OSBPL8: variants seen among roughly 807,000 people sequenced by gnomAD.
OSBPL8 encodes oxysterol binding protein like 8, also known as oxysterol-binding protein-related protein 8.
A neutral mutation model predicts 125.5 loss-of-function variants in OSBPL8; 59 were observed. The observed-to-expected ratio is 0.47, with a 90% CI of 0.38 to 0.58. The LOEUF (loss-of-function observed/expected upper bound fraction) is 0.58, where lower values mean the gene tolerates loss of function less well. Ranked by LOEUF, OSBPL8 falls within the 20% of genes least tolerant of loss-of-function variation. OSBPL8 has a pLI of 0.00. For missense variants in OSBPL8, 758 were observed against 1,047.8 expected, an observed-to-expected ratio of 0.72 and a Z score of 3.82; for synonymous variants, 330 against 338.9, an observed-to-expected ratio of 0.97 and a Z score of 0.29.
chr12:76,504,912 C>T (rs1880262617), intron 1 of OSBPL8, among the ~76,000 whole-genome samples: 1 of 152,100 alleles, frequency 6.6e-6, no homozygotes, highest in African/African-American at 2.4e-5. Flanking sequence ...GACTGGATGG[C>T]CTCACCTGGA....
At chr12:76,480,626 T>A (rs1877368785) in intron 2 of OSBPL8, among the ~76,000 whole-genome samples, 1 of 152,246 alleles carries the variant, frequency 6.6e-6, no homozygotes, top group African/African-American at 2.4e-5. Context: ...ACAGTTATTT[T>A]AACTTTACAT....
chr12:76,430,731 T>G (rs1030746430), intron 4 of OSBPL8, among the ~76,000 whole-genome samples: 19 of 152,140 alleles, frequency 1.2e-4, no homozygotes, highest in Admixed American at 6.5e-5. Flanking sequence ...ATATATTCAA[T>G]GTACTGAAAG....
chr12:76,431,848 A>G (rs1870869118), intron 4 of OSBPL8, among the ~76,000 whole-genome samples: 1 of 152,146 alleles, frequency 6.6e-6, no homozygotes, highest in South Asian at 2.1e-4. Context: ...ACCAAACAGA[A>G]AATGAAAAGA....
chr12:76,386,685 A>C, intron 12 of OSBPL8, 25 bp from the exon 13 acceptor site: 1 of 1,523,046 alleles, frequency 6.6e-7, no homozygotes, highest in Non-Finnish European at 9.0e-7. Flanking sequence ...GGTAAACAAA[A>C]ATTTTAAAAA....
chr12:76,530,993 C>A (rs1950324125), intron 1 of OSBPL8, among the ~76,000 whole-genome samples: 1 of 151,968 alleles, frequency 6.6e-6, no homozygotes, highest in African/African-American at 2.4e-5. Context: ...GTTATAGTAC[C>A]ATTGTGTTAG....
chr12:76,364,439 G>A (rs1175937319), intron 21 of OSBPL8, among the ~76,000 whole-genome samples: 1 of 152,126 alleles, frequency 6.6e-6, no homozygotes, highest in Non-Finnish European at 1.5e-5. Context: ...TCATAAGTGG[G>A]AGCTGAACAA....
At chr12:76,496,176 T>C (rs1879249712) in intron 1 of OSBPL8, among the ~76,000 whole-genome samples, 1 of 151,862 alleles carries the variant, frequency 6.6e-6, no homozygotes, top group South Asian at 2.1e-4. Flanking sequence ...AGTATTTTTT[T>C]TTTTGAATCT....
intron 4 of OSBPL8, among the ~76,000 whole-genome samples, chr12:76,419,798 G>C (rs1185182631): frequency 6.6e-6 from 1 of 152,102 alleles, no homozygotes; most frequent in African/African-American, 2.4e-5. Flanking sequence ...TTTTGGTTTT[G>C]GAAGTAGTCA....
chr12:76,403,827 T>G (rs908767069), intron 5 of OSBPL8, among the ~76,000 whole-genome samples: 4 of 152,100 alleles, frequency 2.6e-5, no homozygotes, highest in Non-Finnish European at 5.9e-5. Context: ...CCCTCAATTT[T>G]TAGATTAATA....
intron 3 of OSBPL8, among the ~76,000 whole-genome samples, chr12:76,457,476 C>T (rs1456407496): frequency 6.6e-6 from 1 of 152,008 alleles, no homozygotes; most frequent in Non-Finnish European, 1.5e-5. Context: ...TTCTAAGGTA[C>T]AGTTCATCTG....
At chr12:76,363,594 C>A (rs1180252269) in intron 21 of OSBPL8, among the ~76,000 whole-genome samples, 1 of 152,162 alleles carries the variant, frequency 6.6e-6, no homozygotes, top group Non-Finnish European at 1.5e-5. Flanking sequence ...AGGACACAGG[C>A]ATGGGCAAAG....
intron 2 of OSBPL8, among the ~76,000 whole-genome samples, chr12:76,479,357 A>T (rs931186854): frequency 6.6e-6 from 1 of 152,210 alleles, no homozygotes; most frequent in Non-Finnish European, 1.5e-5. Flanking sequence ...AAATTTTTTT[A>T]AAAATTAAAA....
At chr12:76,535,129 C>T (rs1291492809) in intron 1 of OSBPL8, among the ~76,000 whole-genome samples, 2 of 151,738 alleles carry the variant, frequency 1.3e-5, no homozygotes, top group Non-Finnish European at 2.9e-5. Context: ...AACAGATATG[C>T]TAAATTTCAA....
chr12:76,434,930 T>C (rs973226253), intron 4 of OSBPL8, among the ~76,000 whole-genome samples: 2 of 152,170 alleles, frequency 1.3e-5, no homozygotes, highest in Admixed American at 6.5e-5. Context: ...ACATCTATTA[T>C]GGAAAGCAGT....
chr12:76,555,652 A>G (rs1951072198), intron 1 of OSBPL8, among the ~76,000 whole-genome samples: 1 of 152,208 alleles, frequency 6.6e-6, no homozygotes. Flanking sequence ...CCCAACGATC[A>G]TGGATTATTA....
At position 76,552,428 on chromosome 12, in the gene OSBPL8, CAAAAAAAA is replaced by C. The variant is rs55942644; in HGVS notation, c.-68+6961_-68+6968del. 5.1e-4 allele frequency among the ~76,000 whole-genome samples: 28 copies of C among 54,900 alleles called. 2 individuals carry two copies. In the South Asian group the frequency reaches 0.024, roughly 46 times the overall value. The allele number at this position is 54,900 out of a possible 152,430, so 36.0% of individuals were successfully genotyped here. A position where few individuals can be genotyped will look rare whatever the true frequency, so the allele number is the denominator to read the frequency against. ...GCAACAGAGCGATACCCCATGTCTC[CAAAAAAAA>C]AAAAAAAAAAAAAAAAAAAATGTTG... On this transcript the variant is annotated intron_variant, in intron 1 of 23. Transcript: ENST00000261183.
At chr12:76,422,751 C>G (rs2136507526) in intron 4 of OSBPL8, 4 of 364,996 alleles carry the variant, frequency 1.1e-5, no homozygotes, top group South Asian at 8.5e-5. Flanking sequence ...GTAGCAAAAC[C>G]CACCAGCACA....
intron 5 of OSBPL8, among the ~76,000 whole-genome samples, chr12:76,407,538 G>C (rs1173027187): frequency 2.0e-5 from 3 of 152,114 alleles, no homozygotes; most frequent in Non-Finnish European, 2.9e-5. Flanking sequence ...ATGAAACATT[G>C]CACCCAGCAG....
intron 2 of OSBPL8, among the ~76,000 whole-genome samples, chr12:76,466,239 A>C (rs573974797): frequency 2.4e-4 from 37 of 152,206 alleles, no homozygotes; most frequent in African/African-American, 8.2e-4. Context: ...AGTATGCATT[A>C]TTTTTATAGT....
Sources: gnomAD v4.1 joint callset for allele counts (sites outside exome capture counted in the v4.1 genomes callset) on GRCh38, gnomAD v4.1.1 for gene constraint, MANE v1.5 for transcripts, NCBI Gene and HGNC (gene_info 2026-07-23, HGNC 2026-07-21) for gene names.